Variants in NEDD4L observed in about 807,000 individuals in gnomAD.
NEDD4L encodes E3 ubiquitin-protein ligase NEDD4-like.
In NEDD4L, 54 loss-of-function variants were observed where a neutral mutation model predicts 148.9. The ratio of observed to expected loss-of-function variants is 0.36; its 90% CI spans 0.29 to 0.45. The LOEUF is 0.45. Among genes scored for constraint, NEDD4L ranks in the 20% least tolerant of loss-of-function variants. The pLI, the probability that NEDD4L is intolerant of heterozygous loss-of-function variation, is 1.00. For synonymous variants in NEDD4L, 433 were observed against 440.7 expected (o/e 0.98, Z 0.22); for missense variants, 856 against 1,233.8 (o/e 0.69, Z 4.59).
intron 1 of NEDD4L, among the ~76,000 whole-genome samples, chr18:58,123,086 C>A (rs141949200): frequency 6.6e-6 from 1 of 152,258 alleles, no homozygotes; most frequent in East Asian, 1.9e-4. Context: ...CTTTTGGGTT[C>A]CCTGTCATGG....
rs1195130035 is a variant in NEDD4L, at chr18:58,329,044, G to T, written c.730G>T (p.Ala244Ser). The T allele has an allele frequency of 2.5e-6, 4 of 1,614,040 alleles. No homozygotes were observed. The South Asian group carries it at 4.4e-5, about 18-fold the overall frequency. The change falls in exon 10 of 31, where the codon GCA becomes TCA. Residue 244 changes from alanine (A) to serine (S), a missense_variant. Transcript: ENST00000400345. Reference sequence around the variant, plus strand: ...TAACATCAGACAGATCAACCAGGAGGCAGCACACCGGCGCTTCCGCTCCCG... The same window carrying T: ...TAACATCAGACAGATCAACCAGGAGTCAGCACACCGGCGCTTCCGCTCCCG... ...DNNIRQINQE[A>S]AHRRFRSRRH...
intron 1 of NEDD4L, among the ~76,000 whole-genome samples, chr18:58,149,097 G>T (rs4149597): frequency 2.6e-5 from 4 of 152,032 alleles, no homozygotes; most frequent in Admixed American, 6.5e-5. Context: ...AAGCTTTTGC[G>T]TGGGGAAAAC....
intron 2 of NEDD4L, among the ~76,000 whole-genome samples, chr18:58,234,049 C>CT (rs1267305954): frequency 4.5e-5 from 3 of 67,188 alleles, no homozygotes; most frequent in Admixed American, 3.3e-4. Flanking sequence ...CTTTCCTTTT[C>CT]TTTCTTTCTT....
At chr18:58,070,869 A>G (rs1418176602) in intron 1 of NEDD4L, among the ~76,000 whole-genome samples, 2 of 152,224 alleles carry the variant, frequency 1.3e-5, no homozygotes, top group Non-Finnish European at 2.9e-5. Context: ...ACTTTATAGA[A>G]TTAGTTCCTG....
intron 2 of NEDD4L, among the ~76,000 whole-genome samples, chr18:58,206,675 CA>C (rs1480443281): frequency 3.9e-5 from 6 of 152,098 alleles, no homozygotes; most frequent in African/African-American, 1.4e-4. Context: ...AAATAATAGG[CA>C]AAAACTGGAA....
chr18:58,205,384 T>A (rs1233578823), intron 2 of NEDD4L, among the ~76,000 whole-genome samples: 1 of 152,242 alleles, frequency 6.6e-6, no homozygotes, highest in African/African-American at 2.4e-5. Flanking sequence ...ATATTTACCC[T>A]TTTAAAAATG....
chr18:58,177,124 C>T (rs1000049033), intron 2 of NEDD4L, among the ~76,000 whole-genome samples: 4 of 151,940 alleles, frequency 2.6e-5, no homozygotes, highest in East Asian at 1.9e-4. Flanking sequence ...CTCCCTGAGC[C>T]GCCGGCCCCT....
intron 16 of NEDD4L, among the ~76,000 whole-genome samples, chr18:58,346,223 C>T (rs1309878810): frequency 6.6e-6 from 1 of 152,112 alleles, no homozygotes; most frequent in Non-Finnish European, 1.5e-5. Flanking sequence ...GGTTGAGTAT[C>T]CCTAGTTTAA....
chr18:58,089,968 T>C (rs1170677703), intron 1 of NEDD4L, among the ~76,000 whole-genome samples: 1 of 151,872 alleles, frequency 6.6e-6, no homozygotes, highest in Non-Finnish European at 1.5e-5. Flanking sequence ...GCCTCCTGAG[T>C]AGCTGGGATT....
intron 11 of NEDD4L, 46 bp downstream of exon 11, chr18:58,330,960 T>C: frequency 6.3e-7 from 1 of 1,582,132 alleles, no homozygotes. Context: ...AATGTTTTAT[T>C]GTTTTTTGTT....
intron 1 of NEDD4L, among the ~76,000 whole-genome samples, chr18:58,116,653 A>G (rs1302839399): frequency 6.6e-6 from 1 of 152,216 alleles, no homozygotes; most frequent in Non-Finnish European, 1.5e-5. Context: ...GCAGAGGGAG[A>G]CCAGAGCATC....
intron 1 of NEDD4L, among the ~76,000 whole-genome samples, chr18:58,163,075 A>T (rs868253337): frequency 0.012 from 1,697 of 141,518 alleles, 31 homozygotes; most frequent in African/African-American, 0.051. Flanking sequence ...AAAAAAAGAA[A>T]AAAAAAAAAG....
At chr18:58,255,899 T>C (rs1015524646) in intron 5 of NEDD4L, 14 of 1,232,066 alleles carry the variant, frequency 1.1e-5, no homozygotes, top group Non-Finnish European at 1.4e-5. Context: ...CCGCCCCACG[T>C]GCAGCTCCTC....
At chr18:58,294,258 G>GATAACCAA (rs2055207370) in intron 5 of NEDD4L, among the ~76,000 whole-genome samples, 4 of 152,140 alleles carry the variant, frequency 2.6e-5, no homozygotes, top group African/African-American at 9.7e-5. Context: ...TAAATGAGAA[G>GATAACCAA]GTTTTCGCAC....
chr18:58,367,717 T>G, intron 21 of NEDD4L, 29 bp from the exon 22 acceptor site: 1 of 1,611,930 alleles, frequency 6.2e-7, no homozygotes, highest in Non-Finnish European at 8.5e-7. Flanking sequence ...AAAGTGTGAT[T>G]GGGCTTTTCT....
intron 2 of NEDD4L, among the ~76,000 whole-genome samples, chr18:58,216,434 G>A (rs1314538518): frequency 2.6e-5 from 4 of 152,166 alleles, no homozygotes; most frequent in Non-Finnish European, 4.4e-5. Flanking sequence ...TGTAGCAAGT[G>A]AGAGTGACCC....
At chr18:58,234,203 G>C (rs1229141015) in intron 2 of NEDD4L, among the ~76,000 whole-genome samples, 6 of 101,592 alleles carry the variant, frequency 5.9e-5, no homozygotes, top group African/African-American at 8.1e-5. Flanking sequence ...CCCCCTTCCT[G>C]CCTCCCTCCC....
intron 26 of NEDD4L, 129 bp downstream of exon 26, chr18:58,385,715 A>T (rs1423357752): frequency 2.7e-6 from 2 of 747,426 alleles, no homozygotes; most frequent in Non-Finnish European, 4.7e-6. Flanking sequence ...ACCCTGCAGG[A>T]AGACCGGGAT....
At chr18:58,189,056 G>T (rs1379275250) in intron 2 of NEDD4L, among the ~76,000 whole-genome samples, 1 of 152,128 alleles carries the variant, frequency 6.6e-6, no homozygotes, top group Non-Finnish European at 1.5e-5. Context: ...AGCTCCAAAA[G>T]CCTTTATCCT....
Sources: allele counts gnomAD v4.1 joint callset (sites outside exome capture counted in the v4.1 genomes callset), GRCh38; gene constraint gnomAD v4.1.1; transcripts MANE v1.5; gene names NCBI Gene and HGNC (gene_info 2026-07-23, HGNC 2026-07-21).